Variants in ATE1 observed in about 807,000 individuals in gnomAD.
ATE1 encodes arginyl-tRNA--protein transferase 1.
A neutral mutation model predicts 70.5 loss-of-function variants in ATE1; 36 were observed. The observed-to-expected ratio is 0.51, with a 90% CI of 0.39 to 0.67. ATE1 has a LOEUF of 0.67. ATE1 is among the 30% of genes least tolerant of loss of function. ATE1 has a pLI of 0.00. For missense variants in ATE1, 593 were observed against 629.5 expected (o/e 0.94, Z 0.62); for synonymous variants, 232 against 219.3 (o/e 1.06, Z -0.51).
chr10:121,761,961 G>T (rs1945058289), intron 11 of ATE1, among the ~76,000 whole-genome samples: 1 of 152,056 alleles, frequency 6.6e-6, no homozygotes, highest in South Asian at 2.1e-4. Context: ...TCTCTAAAGA[G>T]CATTTACTTA....
chr10:121,764,193 C>G (rs1353962600), intron 11 of ATE1, among the ~76,000 whole-genome samples: 1 of 70,620 alleles, frequency 1.4e-5, no homozygotes, highest in Non-Finnish European at 3.0e-5. Flanking sequence ...TTCTGTGAAC[C>G]TAAAGCTGTT....
At chr10:121,875,307 T>G (rs1217203603) in intron 7 of ATE1, among the ~76,000 whole-genome samples, 1 of 63,144 alleles carries the variant, frequency 1.6e-5, no homozygotes, top group Non-Finnish European at 3.0e-5. Context: ...GGTTTTTTTT[T>G]GTTTTTTTTT....
intron 8 of ATE1, among the ~76,000 whole-genome samples, chr10:121,850,618 AATCACTGAT>A (rs1949016883): frequency 6.6e-6 from 1 of 152,222 alleles, no homozygotes; most frequent in Non-Finnish European, 1.5e-5. Flanking sequence ...CACTCTTGAG[AATCACTGAT>A]ATCCATTTAT....
intron 10 of ATE1, among the ~76,000 whole-genome samples, chr10:121,836,080 C>T (rs1948421718): frequency 6.6e-6 from 1 of 152,152 alleles, no homozygotes; most frequent in Non-Finnish European, 1.5e-5. Flanking sequence ...TCAGCACTTG[C>T]CCTTCCAAAT....
intron 11 of ATE1, among the ~76,000 whole-genome samples, chr10:121,747,957 C>T (rs1231537230): frequency 6.6e-6 from 1 of 152,114 alleles, no homozygotes; most frequent in East Asian, 1.9e-4. Flanking sequence ...CTAAATGTGT[C>T]TAGCAGGAAA....
chr10:121,795,828 T>G (rs1462718842), intron 10 of ATE1, among the ~76,000 whole-genome samples: 3 of 152,238 alleles, frequency 2.0e-5, no homozygotes, highest in Admixed American at 1.3e-4. Context: ...GGTTGAAAGC[T>G]ACCCTGCCTC....
At chr10:121,919,119 C>A (rs1038996264) in intron 3 of ATE1, among the ~76,000 whole-genome samples, 2 of 152,100 alleles carry the variant, frequency 1.3e-5, no homozygotes, top group South Asian at 2.1e-4. Context: ...GCAGTGGCAA[C>A]CCACTAGGGT....
At chr10:121,910,784 G>T in intron 5 of ATE1, 122 bp downstream of exon 5, 1 of 1,289,308 alleles carries the variant, frequency 7.8e-7, no homozygotes. Flanking sequence ...ACAAAGCAGG[G>T]TTCTGTTTTA....
chr10:121,772,656 T>C (rs1030719034), intron 11 of ATE1, among the ~76,000 whole-genome samples: 5 of 152,306 alleles, frequency 3.3e-5, no homozygotes, highest in South Asian at 4.1e-4. Flanking sequence ...CCAAGCTCCA[T>C]ATCTTTCAGT....
At chr10:121,773,467 T>C (rs1459094869) in intron 11 of ATE1, among the ~76,000 whole-genome samples, 1 of 152,210 alleles carries the variant, frequency 6.6e-6, no homozygotes, top group East Asian at 1.9e-4. Flanking sequence ...CTGTGTCTCC[T>C]ATCAGTTCTA....
chr10:121,758,085 G>A (rs1173402794), intron 11 of ATE1, among the ~76,000 whole-genome samples: 1 of 152,204 alleles, frequency 6.6e-6, no homozygotes, highest in Non-Finnish European at 1.5e-5. Flanking sequence ...AGAGTCCTGA[G>A]ACAAGAACAA....
upstream of ATE1, chr10:121,928,408 C>T: frequency 6.5e-7 from 1 of 1,527,582 alleles, no homozygotes; most frequent in South Asian, 1.2e-5. Flanking sequence ...CCCTGAGGCC[C>T]TTGTATTCCA....
At chr10:121,908,803 AT>A (rs1951306139) in intron 5 of ATE1, among the ~76,000 whole-genome samples, 1 of 152,238 alleles carries the variant, frequency 6.6e-6, no homozygotes, top group African/African-American at 2.4e-5. Context: ...CGGCAAAAAA[AT>A]AGACAAAAGA....
intron 10 of ATE1, among the ~76,000 whole-genome samples, chr10:121,792,598 T>C (rs548287942): frequency 1.3e-5 from 2 of 152,294 alleles, no homozygotes; most frequent in East Asian, 3.9e-4. Context: ...GAATTGAGGA[T>C]TTACTTAGGA....
chr10:121,827,061 T>G (rs530156113), intron 10 of ATE1, among the ~76,000 whole-genome samples: 23 of 151,918 alleles, frequency 1.5e-4, no homozygotes, highest in African/African-American at 5.3e-4. Context: ...GTCGCCAGGC[T>G]GGAGTGCAGT....
intron 9 of ATE1, among the ~76,000 whole-genome samples, chr10:121,840,036 A>G (rs376058848): frequency 6.6e-6 from 1 of 152,170 alleles, no homozygotes; most frequent in Non-Finnish European, 1.5e-5. Context: ...CAGATAAACA[A>G]AAGAAAAATA....
intron 8 of ATE1, among the ~76,000 whole-genome samples, chr10:121,861,768 T>G (rs1305747165): frequency 1.3e-5 from 2 of 149,378 alleles, no homozygotes; most frequent in African/African-American, 2.5e-5. Flanking sequence ...AAAAAAGAGA[T>G]ATATGGCTGC....
At position 121,741,316 on chromosome 10, in the gene ATE1, A is replaced by T. The variant is rs72834380; in HGVS notation, c.*2364T>A. ...AGACACTTTGACTACTTGGATCAAT[A>T]CACTAGCTATTCTCAAACCAACATA... On this transcript the variant is annotated 3_prime_UTR_variant, in exon 12 of 12. Coordinates refer to ENST00000224652, the MANE Select transcript of ATE1 (RefSeq NM_001001976.3). The T allele has an allele frequency of 6.6e-6, 1 of 152,210 alleles. No homozygotes were observed. Among genetic ancestry groups the T allele is most frequent in the African/African-American group, 2.4e-5 (1 of 41,456 alleles). The allele number at this position is 152,210 out of a possible 1,614,324, so 9.4% of individuals were successfully genotyped here.
chr10:121,917,239 AG>A (rs1951697572), intron 3 of ATE1, among the ~76,000 whole-genome samples: 1 of 152,222 alleles, frequency 6.6e-6, no homozygotes. Flanking sequence ...GCCGGTCAGA[AG>A]GCTCCACAAG....
Sources: allele counts gnomAD v4.1 joint callset (sites outside exome capture counted in the v4.1 genomes callset), GRCh38; gene constraint gnomAD v4.1.1; transcripts MANE v1.5; gene names NCBI Gene and HGNC (gene_info 2026-07-23, HGNC 2026-07-21).